Variants in ZNF407 observed in about 807,000 individuals in gnomAD.
ZNF407 encodes the protein zinc finger protein 407.
A neutral mutation model predicts 131.2 loss-of-function variants in ZNF407; 17 were observed. That is an observed-to-expected ratio of 0.13 (90% CI 0.09 to 0.19). ZNF407 has a LOEUF of 0.19. Among genes scored for constraint, ZNF407 ranks in the 10% least tolerant of loss-of-function variants. The probability of loss-of-function intolerance (pLI) is 1.00; values close to 1 mark genes in which losing one functional copy is unlikely to be tolerated. For synonymous variants in ZNF407, 1,156 were observed against 1,062.0 expected (o/e 1.09, Z -1.72); for missense variants, 2,681 against 2,830.6 (o/e 0.95, Z 1.20).
intron 3 of ZNF407, among the ~76,000 whole-genome samples, chr18:74,712,786 A>G (rs1967797651): frequency 6.6e-6 from 1 of 152,210 alleles, no homozygotes; most frequent in Non-Finnish European, 1.5e-5. Context: ...TTTTGCTGTC[A>G]GTTGGCTATC....
At chr18:74,921,860 G>C (rs1971851071) in intron 8 of ZNF407, among the ~76,000 whole-genome samples, 1 of 152,190 alleles carries the variant, frequency 6.6e-6, no homozygotes, top group Admixed American at 6.5e-5. Context: ...CTTAAGCAAT[G>C]TTTGTTCGCA....
chr18:74,674,878 T>A (rs1351873168), intron 3 of ZNF407, among the ~76,000 whole-genome samples: 1 of 152,222 alleles, frequency 6.6e-6, no homozygotes, highest in South Asian at 2.1e-4. Flanking sequence ...GTAGTGTCCA[T>A]TAATAACATG....
chr18:74,920,478 C>T (rs752282737), intron 7 of ZNF407, 36 bp from the exon 8 acceptor site: 3 of 1,527,596 alleles, frequency 2.0e-6, no homozygotes, highest in South Asian at 2.6e-5. Context: ...ATTGGTTTGA[C>T]CTTAATTAGA....
intron 1 of ZNF407, among the ~76,000 whole-genome samples, chr18:74,616,868 G>A (rs1474526344): frequency 0.19 from 441 of 2,372 alleles, 11 homozygotes; most frequent in Non-Finnish European, 0.2. Context: ...CACACCACAC[G>A]CATCCATATC....
chr18:74,713,358 C>CTTTTTT (rs5826345), intron 3 of ZNF407, among the ~76,000 whole-genome samples: 1 of 84,480 alleles, frequency 1.2e-5, no homozygotes, highest in Non-Finnish European at 2.5e-5. Context: ...ATTTTAGCAT[C>CTTTTTT]TTTTTTTTTT....
intron 3 of ZNF407, among the ~76,000 whole-genome samples, chr18:74,659,642 C>T (rs1000633394): frequency 4.6e-5 from 7 of 152,248 alleles, no homozygotes; most frequent in African/African-American, 1.7e-4. Context: ...TAAGAAAGCA[C>T]ATAATTTGTG....
At chr18:74,696,551 C>A (rs543532623) in intron 3 of ZNF407, among the ~76,000 whole-genome samples, 170 of 152,294 alleles carry the variant, frequency 1.1e-3, no homozygotes, top group African/African-American at 3.9e-3. Context: ...AACCATTGAT[C>A]TTAAGATGCC....
At chr18:74,923,763 T>C (rs936007933) in intron 8 of ZNF407, among the ~76,000 whole-genome samples, 41 of 152,338 alleles carry the variant, frequency 2.7e-4, no homozygotes, top group African/African-American at 9.6e-4. Context: ...AGTAGCAATA[T>C]CTCTTGCCAT....
chr18:74,859,455 T>G (rs905727841), intron 4 of ZNF407, among the ~76,000 whole-genome samples: 4 of 152,090 alleles, frequency 2.6e-5, no homozygotes, highest in Non-Finnish European at 5.9e-5. Flanking sequence ...CACAGGTCAG[T>G]TTTTAGCTGT....
chr18:74,763,536 A>G (rs1294408571), intron 3 of ZNF407, among the ~76,000 whole-genome samples: 1 of 151,198 alleles, frequency 6.6e-6, no homozygotes, highest in Non-Finnish European at 1.5e-5. Context: ...CTTATATTTT[A>G]TTTTAGAAGT....
chr18:74,656,534 C>T lies in ZNF407; in HGVS notation c.4802+15412C>T, dbSNP rs567828941. ...ATTAGTCCTGTCCCCTCTGGCGTCA[C>T]GAACCTGGACATACTGATTGTATAC... On this transcript the variant is annotated intron_variant, in intron 3 of 8. Transcript: ENST00000299687. Among the ~76,000 whole-genome samples, 4 of 152,148 alleles carry T rather than the reference C, an allele frequency of 2.6e-5. No homozygotes were observed. In the South Asian group the frequency reaches 6.2e-4, roughly 24 times the overall value.
rs1985566900 is a variant in ZNF407, at chr18:74,658,332, T to C, written c.4802+17210T>C. Among the ~76,000 whole-genome samples the C allele has an allele frequency of 4.6e-5, 7 of 152,260 alleles. No homozygotes were observed. The South Asian group carries it at 1.2e-3, about 27-fold the overall frequency. ...CAGGGTTTCACCATGTTGGCCAGGC[T>C]GGTCTTGAACTCCTGACCTCGTGAT... is the stretch of plus-strand genomic sequence containing the variant. On this transcript the variant is annotated intron_variant, in intron 3 of 8. Transcript: ENST00000299687.
At chr18:74,825,508 A>G (rs1970398383) in intron 4 of ZNF407, among the ~76,000 whole-genome samples, 1 of 152,220 alleles carries the variant, frequency 6.6e-6, no homozygotes, top group South Asian at 2.1e-4. Flanking sequence ...AGGATACAAA[A>G]TCAATGTATT....
intron 8 of ZNF407, among the ~76,000 whole-genome samples, chr18:75,017,919 T>A (rs984707743): frequency 5.9e-5 from 9 of 152,170 alleles, no homozygotes; most frequent in Non-Finnish European, 7.4e-5. Context: ...TGCCAGGACC[T>A]GAGTTTTTTT....
At chr18:74,619,749 T>C (rs1983441523) in intron 1 of ZNF407, among the ~76,000 whole-genome samples, 2 of 152,198 alleles carry the variant, frequency 1.3e-5, no homozygotes, top group African/African-American at 4.8e-5. Context: ...TTACAATAAA[T>C]AGGAAGAAGA....
intron 8 of ZNF407, among the ~76,000 whole-genome samples, chr18:74,934,913 C>A (rs1477199439): frequency 6.6e-6 from 1 of 152,186 alleles, no homozygotes; most frequent in Non-Finnish European, 1.5e-5. Flanking sequence ...ATTAAGTACT[C>A]TATGAGTATT....
chr18:74,673,651 A>AC (rs1986241915), intron 3 of ZNF407, among the ~76,000 whole-genome samples: 1 of 152,142 alleles, frequency 6.6e-6, no homozygotes, highest in African/African-American at 2.4e-5. Flanking sequence ...CATTTAGATC[A>AC]CCCATGCATT....
rs573585723 is a variant in ZNF407 at position 74,910,619 on chromosome 18, C to T, written c.5250-9895C>T. Among the ~76,000 whole-genome samples, 24 of 152,186 alleles carry T rather than the reference C, an allele frequency of 1.6e-4. No homozygotes were observed. In the South Asian group the frequency reaches 1.7e-3, roughly 11 times the overall value. ...TAACTTATCACGGAAGAATTTAACCCGCTATGTAGTGCCTTGCATTACCTA... is the reference window on the plus strand; with the variant it reads ...TAACTTATCACGGAAGAATTTAACCTGCTATGTAGTGCCTTGCATTACCTA... On this transcript the variant is annotated intron_variant, in intron 7 of 8. Transcript: ENST00000299687.
chr18:75,064,049 G>T lies in ZNF407; in HGVS notation c.6328G>T (p.Glu2110Ter). ...TGTCACCCAGGTGGTGGTGAGCGAA[G>T]AGGGTGCCGTCCACATGGTCGCCGG... ...DGVTQVVVSE[E>*]GAVHMVAGEG... is the part of the protein sequence containing the mutation. Residue 2110 changes from glutamate (E) to a stop codon, truncating the protein, a stop_gained, in exon 9 of 9, where the codon GAG becomes TAG. Transcript: ENST00000299687. LOFTEE classifies it low-confidence loss of function (END_TRUNC). The T allele has an allele frequency of 6.3e-7, 1 of 1,597,112 alleles. No homozygotes were observed.
Sources: gnomAD v4.1 joint callset for allele counts (sites outside exome capture counted in the v4.1 genomes callset) on GRCh38, gnomAD v4.1.1 for gene constraint, MANE v1.5 for transcripts, NCBI Gene and HGNC (gene_info 2026-07-23, HGNC 2026-07-21) for gene names.